KCNMA1: variants seen among roughly 807,000 people sequenced by gnomAD.
KCNMA1 encodes the protein potassium calcium-activated channel subfamily M alpha 1.
Under a neutral mutation model 140.0 loss-of-function variants are expected in KCNMA1, and 29 were observed. The observed-to-expected ratio is 0.21, with a 90% confidence interval of 0.15 to 0.28. KCNMA1 has a LOEUF of 0.28. Ranked by LOEUF, KCNMA1 falls within the 10% of genes least tolerant of loss-of-function variation. The pLI is 1.00. For synonymous variants in KCNMA1, 612 were observed against 611.9 expected (o/e 1.00, Z 0.00); for missense variants, 880 against 1,602.2 (o/e 0.55, Z 7.70).
chr10:77,397,622 T>C (rs2096104905), intron 2 of KCNMA1, among the ~76,000 whole-genome samples: 1 of 152,248 alleles, frequency 6.6e-6, no homozygotes, highest in Non-Finnish European at 1.5e-5. Flanking sequence ...TAAATACAGT[T>C]TATTTGTATA....
At chr10:77,356,807 T>C (rs753000107) in intron 2 of KCNMA1, among the ~76,000 whole-genome samples, 1 of 152,164 alleles carries the variant, frequency 6.6e-6, no homozygotes, top group Non-Finnish European at 1.5e-5. Flanking sequence ...CCAGGAGTGA[T>C]ATCCACCCAG....
intron 2 of KCNMA1, 55 bp downstream of exon 2, chr10:77,403,807 C>A: frequency 6.4e-7 from 1 of 1,555,418 alleles, no homozygotes; most frequent in Non-Finnish European, 8.7e-7. Context: ...ATAAGCAAAG[C>A]CACCTTGGCC....
At chr10:77,023,032 C>T (rs1323853240) in intron 16 of KCNMA1, 1 of 431,842 alleles carries the variant, frequency 2.3e-6, no homozygotes, top group Non-Finnish European at 4.7e-6. Context: ...GTGCAATTGG[C>T]TAGCGGGGCT....
At chr10:77,120,702 G>A (rs1196785285) in intron 6 of KCNMA1, among the ~76,000 whole-genome samples, 1 of 152,022 alleles carries the variant, frequency 6.6e-6, no homozygotes, top group South Asian at 2.1e-4. Context: ...ACCCCACTGG[G>A]CACACAGATA....
intron 26 of KCNMA1, among the ~76,000 whole-genome samples, chr10:76,890,726 G>C (rs1387554046): frequency 5.3e-5 from 8 of 152,274 alleles, no homozygotes; most frequent in Admixed American, 1.3e-4. Flanking sequence ...TGCATCTGTG[G>C]GGTTGGGCTG....
chr10:77,191,076 C>G (rs1444782240), intron 3 of KCNMA1, among the ~76,000 whole-genome samples: 2 of 152,030 alleles, frequency 1.3e-5, no homozygotes, highest in Non-Finnish European at 2.9e-5. Context: ...CTATCTATAA[C>G]CAAGAGAGTA....
chr10:77,170,761 C>G (rs2098697603), intron 5 of KCNMA1, among the ~76,000 whole-genome samples: 1 of 152,164 alleles, frequency 6.6e-6, no homozygotes, highest in African/African-American at 2.4e-5. Context: ...AGACAAAATA[C>G]TAGTGACTAA....
intron 2 of KCNMA1, among the ~76,000 whole-genome samples, chr10:77,337,573 T>C (rs1244484799): frequency 6.6e-6 from 1 of 152,076 alleles, no homozygotes; most frequent in Non-Finnish European, 1.5e-5. Flanking sequence ...TGAGCCAAGA[T>C]TGCACCACTG....
intron 1 of KCNMA1, among the ~76,000 whole-genome samples, chr10:77,572,570 A>ATCTATCTATCTATC (rs2071923373): frequency 3.0e-4 from 2 of 6,756 alleles, no homozygotes; most frequent in African/African-American, 1.5e-3. Flanking sequence ...AAAAAAATCC[A>ATCTATCTATCTATC]TATATATATA....
chr10:77,384,106 C>T (rs998454268), intron 2 of KCNMA1, among the ~76,000 whole-genome samples: 3 of 152,220 alleles, frequency 2.0e-5, no homozygotes, highest in Non-Finnish European at 4.4e-5. Flanking sequence ...CTAACCCCCG[C>T]GGAGATCACT....
chr10:76,874,518 A>C (rs1410223190), downstream of KCNMA1: 1 of 152,224 alleles, frequency 6.6e-6, no homozygotes. Flanking sequence ...TGTTGTTTGT[A>C]AATGTGGCTC....
intron 2 of KCNMA1, among the ~76,000 whole-genome samples, chr10:77,348,391 G>C (rs951262769): frequency 6.6e-6 from 1 of 152,160 alleles, no homozygotes; most frequent in African/African-American, 2.4e-5. Context: ...TTTATCTTTT[G>C]TTCTCTGATT....
At chr10:77,184,783 A>G (rs1411181144) in intron 4 of KCNMA1, 40 bp downstream of exon 4, 1 of 1,241,070 alleles carries the variant, frequency 8.1e-7, no homozygotes, top group Non-Finnish European at 1.2e-6. Flanking sequence ...CCAGACTGAA[A>G]CACCCCATTG....
intron 23 of KCNMA1, among the ~76,000 whole-genome samples, chr10:76,942,391 G>C (rs1026490068): frequency 1.3e-5 from 2 of 152,238 alleles, no homozygotes; most frequent in African/African-American, 4.8e-5. Flanking sequence ...ATTTGGCAGG[G>C]AGTAGGTGGA....
At chr10:77,230,554 G>T (rs1292788697) in intron 3 of KCNMA1, among the ~76,000 whole-genome samples, 1 of 152,234 alleles carries the variant, frequency 6.6e-6, no homozygotes, top group African/African-American at 2.4e-5. Flanking sequence ...TGAGCTGTCA[G>T]TCTGTCCAGT....
At chr10:77,207,607 C>T (rs1283597517) in intron 3 of KCNMA1, among the ~76,000 whole-genome samples, 3 of 152,164 alleles carry the variant, frequency 2.0e-5, no homozygotes, top group Non-Finnish European at 4.4e-5. Flanking sequence ...AAGCCAGTAC[C>T]TGACCTATTG....
chr10:76,920,038 A>ATATATATATATATATATATATT (rs1298830735), intron 23 of KCNMA1, among the ~76,000 whole-genome samples: 6 of 117,190 alleles, frequency 5.1e-5, no homozygotes, highest in Non-Finnish European at 1.0e-4. Flanking sequence ...ATATATATAT[A>ATATATATATATATATATATATT]TATATATATA....
chr10:77,427,627 C>T (rs2097041373), intron 1 of KCNMA1, among the ~76,000 whole-genome samples: 3 of 152,330 alleles, frequency 2.0e-5, no homozygotes, highest in African/African-American at 7.2e-5. Context: ...TACTTCCTAG[C>T]ACATAGGTAA....
intron 21 of KCNMA1, 95 bp downstream of exon 21, chr10:76,953,706 G>A (rs977440990): frequency 6.9e-5 from 100 of 1,459,364 alleles, no homozygotes; most frequent in Non-Finnish European, 9.3e-5. Context: ...ACCAGGGACA[G>A]TATTATCCCA....
Sources: gnomAD v4.1 joint callset for allele counts (sites outside exome capture counted in the v4.1 genomes callset) on GRCh38, gnomAD v4.1.1 for gene constraint, MANE v1.5 for transcripts, NCBI Gene and HGNC (gene_info 2026-07-23, HGNC 2026-07-21) for gene names.